The following ROBO1 variants were observed in gnomAD, a reference collection of about 807,000 sequenced individuals.
ROBO1 encodes the protein roundabout homolog 1.
A neutral mutation model predicts 195.9 loss-of-function variants in ROBO1; 149 were observed. The ratio of observed to expected loss-of-function variants is 0.76; its 90% CI spans 0.67 to 0.87. The LOEUF (loss-of-function observed/expected upper bound fraction) is 0.87, where lower values mean the gene tolerates loss of function less well. ROBO1 is among the 40% of genes least tolerant of loss of function. The pLI, the probability that ROBO1 is intolerant of heterozygous loss-of-function variation, is 0.00. For synonymous variants in ROBO1, 816 were observed against 733.2 expected, an observed-to-expected ratio of 1.11 and a Z score of -1.82; for missense variants, 1,933 against 2,068.3, an observed-to-expected ratio of 0.93 and a Z score of 1.27.
At chr3:78,762,816 ATAT>A (rs2108376804) in intron 4 of ROBO1, among the ~76,000 whole-genome samples, 1 of 152,232 alleles carries the variant, frequency 6.6e-6, no homozygotes, top group African/African-American at 2.4e-5. Flanking sequence ...ATTTAAAATG[ATAT>A]TATTTCTCTT....
Position 78,949,485 on chromosome 3 carries a change from C to T in ROBO1, c.173-10558G>A, listed in dbSNP as rs1183559485. Among the ~76,000 whole-genome samples the T allele has an allele frequency of 2.4e-3, 358 of 152,122 alleles. 1 individual carries two copies. Among genetic ancestry groups the T allele is most frequent in the Middle Eastern group, 6.8e-3 (2 of 294 alleles). ...GTAGAAAGCTGAAACTGGATCCCTT[C>T]CTTACATCTTATACAAAAATTAATT... is the stretch of plus-strand genomic sequence containing the variant. On this transcript the variant is annotated intron_variant, in intron 3 of 30. Transcript: ENST00000464233.
chr3:79,255,131 C>T (rs906478974), intron 2 of ROBO1, among the ~76,000 whole-genome samples: 1 of 152,106 alleles, frequency 6.6e-6, no homozygotes, highest in African/African-American at 2.4e-5. Context: ...GTCCATTATC[C>T]ATATAAAGCC....
intron 26 of ROBO1, among the ~76,000 whole-genome samples, chr3:78,619,043 G>T (rs1319060992): frequency 1.3e-5 from 2 of 152,172 alleles, no homozygotes; most frequent in African/African-American, 4.8e-5. Context: ...AATTAAAAGA[G>T]TGCCATCAAA....
chr3:79,680,290 G>A (rs1450301435), intron 1 of ROBO1, among the ~76,000 whole-genome samples: 1 of 151,918 alleles, frequency 6.6e-6, no homozygotes, highest in East Asian at 1.9e-4. Context: ...CATGTACCAA[G>A]GTGAAGCAAT....
At chr3:79,705,433 T>C (rs1041609399) in intron 1 of ROBO1, among the ~76,000 whole-genome samples, 1 of 152,086 alleles carries the variant, frequency 6.6e-6, no homozygotes, top group African/African-American at 2.4e-5. Context: ...TAAAAGATTG[T>C]CTTTTCTCCA....
chr3:78,653,486 A>G (rs556860563), intron 18 of ROBO1, among the ~76,000 whole-genome samples: 4 of 152,170 alleles, frequency 2.6e-5, no homozygotes, highest in Non-Finnish European at 5.9e-5. Flanking sequence ...AATACCTTCA[A>G]CAGCAAAAAG....
At chr3:79,292,019 A>C (rs1325526407) in intron 2 of ROBO1, among the ~76,000 whole-genome samples, 1 of 152,224 alleles carries the variant, frequency 6.6e-6, no homozygotes, top group Non-Finnish European at 1.5e-5. Context: ...AAATTGAAAC[A>C]TAAGAAAATA....
At chr3:79,161,074 G>A (rs76812303) in intron 2 of ROBO1, among the ~76,000 whole-genome samples, 8,197 of 151,984 alleles carry the variant, frequency 0.054, 292 homozygotes, top group Middle Eastern at 0.099. Flanking sequence ...ATCAAAATAG[G>A]AAAATGGCAT....
chr3:79,676,585 C>T (rs1236997980), intron 1 of ROBO1, among the ~76,000 whole-genome samples: 2 of 152,028 alleles, frequency 1.3e-5, no homozygotes, highest in African/African-American at 4.8e-5. Flanking sequence ...TGTTAGGTTG[C>T]TCCTACAAAC....
intron 1 of ROBO1, among the ~76,000 whole-genome samples, chr3:79,614,182 C>T (rs1324680910): frequency 6.6e-6 from 1 of 152,054 alleles, no homozygotes; most frequent in Non-Finnish European, 1.5e-5. Flanking sequence ...CTCTAGCAAA[C>T]AGCAGCATAA....
chr3:79,090,763 C>A (rs955852833), intron 3 of ROBO1, among the ~76,000 whole-genome samples: 3 of 152,096 alleles, frequency 2.0e-5, no homozygotes, highest in Non-Finnish European at 4.4e-5. Context: ...CAGTGACTGG[C>A]ACATTGTAAG....
At chr3:79,251,182 G>T (rs2082722389) in intron 2 of ROBO1, among the ~76,000 whole-genome samples, 1 of 152,108 alleles carries the variant, frequency 6.6e-6, no homozygotes, top group Non-Finnish European at 1.5e-5. Flanking sequence ...ATTAAAAAGA[G>T]CAAATAAAAT....
intron 3 of ROBO1, among the ~76,000 whole-genome samples, chr3:78,945,387 C>A (rs555651157): frequency 1.1e-4 from 17 of 152,272 alleles, no homozygotes; most frequent in Admixed American, 3.3e-4. Flanking sequence ...GCAGACACCG[C>A]TGCTGATACC....
At chr3:79,494,175 C>T (rs900344617) in intron 2 of ROBO1, among the ~76,000 whole-genome samples, 3 of 152,102 alleles carry the variant, frequency 2.0e-5, no homozygotes, top group African/African-American at 7.2e-5. Context: ...ACGCCCCATG[C>T]TCCATACTTT....
chr3:79,715,000 A>G lies in ROBO1; in HGVS notation c.-51+52752T>C, dbSNP rs149055787. Reference sequence around the variant, plus strand: ...GTACCCTAAAACTTAAAGTATAATAATAATAAAATTTTTTAAAAAAGTGGA... The same window carrying G: ...GTACCCTAAAACTTAAAGTATAATAGTAATAAAATTTTTTAAAAAAGTGGA... On this transcript the variant is annotated intron_variant, in intron 1 of 30. Coordinates refer to ENST00000464233, the MANE Select transcript of ROBO1 (RefSeq NM_002941.4). Among the ~76,000 whole-genome samples the G allele has an allele frequency of 4.6e-5, 7 of 152,166 alleles. No individual in the cohort carries two copies. In the East Asian group the frequency reaches 1.2e-3, roughly 25 times the overall value.
intron 14 of ROBO1, among the ~76,000 whole-genome samples, chr3:78,664,775 G>C (rs1254609810): frequency 6.6e-6 from 1 of 152,098 alleles, no homozygotes; most frequent in Non-Finnish European, 1.5e-5. Flanking sequence ...AGTCCTTCTT[G>C]AATTTCCTCA....
rs1308518116 is a variant in ROBO1, at chr3:79,607,663, T to G, written c.-50-17702A>C. Among the ~76,000 whole-genome samples the G allele has an allele frequency of 4.6e-5, 7 of 151,792 alleles. No individual in the cohort carries two copies. The South Asian group carries it at 1.0e-3, about 22-fold the overall frequency. On this transcript the variant is annotated intron_variant, in intron 1 of 30. Transcript: ENST00000464233. ...GCATCCATTTCTTATTTCCACCTAA[T>G]GCTTCTTAAATTAATTTTTTCTGAT...
intron 3 of ROBO1, among the ~76,000 whole-genome samples, chr3:79,114,465 T>G (rs2079952874): frequency 6.6e-6 from 1 of 150,930 alleles, no homozygotes; most frequent in African/African-American, 2.5e-5. Flanking sequence ...CAACTCTCTG[T>G]TCTTTATTCC....
chr3:79,668,341 T>G (rs1041653433), intron 1 of ROBO1, among the ~76,000 whole-genome samples: 2 of 151,250 alleles, frequency 1.3e-5, no homozygotes, highest in African/African-American at 2.4e-5. Context: ...AACATGGTGT[T>G]TTTTTTTGTT....
Sources: allele counts gnomAD v4.1 joint callset (sites outside exome capture counted in the v4.1 genomes callset), GRCh38; gene constraint gnomAD v4.1.1; transcripts MANE v1.5; gene names NCBI Gene and HGNC (gene_info 2026-07-23, HGNC 2026-07-21).